PRKN: variants seen among roughly 807,000 people sequenced by gnomAD.
PRKN encodes E3 ubiquitin-protein ligase parkin.
PRKN carries 56 observed loss-of-function variants against 59.5 expected under a neutral mutation model. The ratio of observed to expected loss-of-function variants is 0.94; its 90% CI spans 0.76 to 1.18. The LOEUF (loss-of-function observed/expected upper bound fraction) is 1.18. Among genes scored for constraint, PRKN ranks in the 50% most tolerant of loss-of-function variants. The pLI, the probability that PRKN is intolerant of heterozygous loss-of-function variation, is 0.00. For missense variants in PRKN, 657 were observed against 596.4 expected, an observed-to-expected ratio of 1.10 and a Z score of -1.06; for synonymous variants, 250 against 222.1, an observed-to-expected ratio of 1.13 and a Z score of -1.12.
chr6:161,809,757 G>A (rs1190340613), intron 6 of PRKN, among the ~76,000 whole-genome samples: 1 of 151,960 alleles, frequency 6.6e-6, no homozygotes, highest in Admixed American at 6.6e-5. Context: ...AAAACTACAA[G>A]AGACAAGTCC....
At chr6:162,375,745 AC>A (rs1348396471) in intron 2 of PRKN, among the ~76,000 whole-genome samples, 7 of 141,866 alleles carry the variant, frequency 4.9e-5, no homozygotes, top group Non-Finnish European at 7.5e-5. Flanking sequence ...GGCTTTGTAC[AC>A]ACACACACAC....
At chr6:162,663,631 T>G (rs1165775061) in intron 1 of PRKN, among the ~76,000 whole-genome samples, 1 of 152,110 alleles carries the variant, frequency 6.6e-6, no homozygotes, top group East Asian at 1.9e-4. Flanking sequence ...AATAAGTGTG[T>G]ACTTCCAGGA....
At chr6:161,890,095 G>A (rs941794265) in intron 6 of PRKN, among the ~76,000 whole-genome samples, 5 of 152,076 alleles carry the variant, frequency 3.3e-5, no homozygotes, top group East Asian at 1.9e-4. Context: ...TTATTCTGCC[G>A]TCTCCCTTGT....
intron 1 of PRKN, among the ~76,000 whole-genome samples, chr6:162,710,414 C>CACACA (rs759309558): frequency 2.7e-5 from 4 of 149,988 alleles, no homozygotes; most frequent in African/African-American, 5.0e-5. Flanking sequence ...CACACACACA[C>CACACA]AACTGTTTGG....
intron 9 of PRKN, among the ~76,000 whole-genome samples, chr6:161,443,680 T>TA (rs946620842): frequency 1.9e-4 from 29 of 151,006 alleles, no homozygotes; most frequent in Non-Finnish European, 2.8e-4. Context: ...CATAACCATT[T>TA]AAAAAAAAAG....
chr6:161,619,168 C>G (rs1782799632), intron 7 of PRKN, among the ~76,000 whole-genome samples: 2 of 148,450 alleles, frequency 1.3e-5, no homozygotes, highest in African/African-American at 5.0e-5. Context: ...CCTGGTTTCA[C>G]AGACATATGG....
chr6:162,392,803 G>T (rs1208059542), intron 2 of PRKN, among the ~76,000 whole-genome samples: 1 of 152,088 alleles, frequency 6.6e-6, no homozygotes, highest in Non-Finnish European at 1.5e-5. Flanking sequence ...AAATTCTAAT[G>T]CAAGTTGCTC....
chr6:162,529,375 A>T (rs543387841), intron 1 of PRKN, among the ~76,000 whole-genome samples: 86 of 152,158 alleles, frequency 5.7e-4, no homozygotes, highest in Non-Finnish European at 1.0e-3. Flanking sequence ...TCTCCTCCAC[A>T]CTCTCCAAAT....
intron 2 of PRKN, among the ~76,000 whole-genome samples, chr6:162,362,756 G>C (rs1367667003): frequency 6.6e-6 from 1 of 151,980 alleles, no homozygotes; most frequent in Non-Finnish European, 1.5e-5. Flanking sequence ...GGGTACGTGA[G>C]GAAGCCTCCT....
intron 6 of PRKN, among the ~76,000 whole-genome samples, chr6:161,847,824 G>A (rs932993343): frequency 1.3e-5 from 2 of 152,082 alleles, no homozygotes; most frequent in Non-Finnish European, 2.9e-5. Context: ...CTCTCTTCTT[G>A]GAATTCACAT....
rs933693044 is a variant in PRKN, at chr6:161,480,946, G to A, written c.1083+67908C>T. Among the ~76,000 whole-genome samples, 7 of 152,198 alleles carry A rather than the reference G, an allele frequency of 4.6e-5. No homozygotes were observed. Among genetic ancestry groups the A allele is most frequent in the Non-Finnish European group, 7.3e-5 (5 of 68,030 alleles). ...TGGTGCAGCTTTCTCCATGGTAACC[G>A]GGCAAGGAGAAAAGCGCTTCACAGC... On this transcript the variant is annotated intron_variant, in intron 9 of 11. Coordinates refer to ENST00000366898, the MANE Select transcript of PRKN (RefSeq NM_004562.3). This position sits in a 1 kb window ranked among gnomAD's most constrained non-coding sequence, Gnocchi z 4.1.
At chr6:162,644,561 A>G (rs994559290) in intron 1 of PRKN, among the ~76,000 whole-genome samples, 1 of 152,114 alleles carries the variant, frequency 6.6e-6, no homozygotes, top group African/African-American at 2.4e-5. Flanking sequence ...TAACCGTTGA[A>G]TATTTTCAGA....
intron 1 of PRKN, among the ~76,000 whole-genome samples, chr6:162,605,511 G>T (rs1259906919): frequency 6.6e-6 from 1 of 152,038 alleles, no homozygotes; most frequent in Non-Finnish European, 1.5e-5. Flanking sequence ...TGTCTATTCA[G>T]TAATTCAAAA....
In PRKN at chr6:161,429,895, T is replaced by A. The variant is rs369670341; in HGVS notation, c.1084-43018A>T. 6.6e-6 allele frequency among the ~76,000 whole-genome samples: 1 copy of A among 152,174 alleles called. No individual in the cohort carries two copies. Among genetic ancestry groups the A allele is most frequent in the Non-Finnish European group, 1.5e-5 (1 of 68,028 alleles). On this transcript the variant is annotated intron_variant, in intron 9 of 11. Transcript: ENST00000366898. This position sits in a 1 kb window ranked among gnomAD's most constrained non-coding sequence, Gnocchi z 4.2. ...TTGCTTTCTTTGCAAGCTAACAAGT[T>A]AGTCTGCTCAGTTTTACGGAGGCCA...
chr6:161,995,597 G>A (rs573653372), intron 5 of PRKN, among the ~76,000 whole-genome samples: 3 of 151,900 alleles, frequency 2.0e-5, no homozygotes, highest in African/African-American at 2.4e-5. Flanking sequence ...GTGAGCAAAA[G>A]GTTAGAATGG....
chr6:162,657,671 C>G lies in PRKN; in HGVS notation c.7+69991G>C, dbSNP rs566744201. Among the ~76,000 whole-genome samples, 7 of 152,198 alleles carry G rather than the reference C, an allele frequency of 4.6e-5. No homozygotes were observed. In the South Asian group the frequency reaches 1.5e-3, roughly 32 times the overall value. ...AAATTCAAATGGCTGAAAGAAAACACCTGTAATAAATCTTTCTCATGGAAA... is the reference window on the plus strand; with the variant it reads ...AAATTCAAATGGCTGAAAGAAAACAGCTGTAATAAATCTTTCTCATGGAAA... On this transcript the variant is annotated intron_variant, in intron 1 of 11. Coordinates refer to ENST00000366898, the MANE Select transcript of PRKN (RefSeq NM_004562.3).
intron 7 of PRKN, among the ~76,000 whole-genome samples, chr6:161,671,450 C>T (rs544193818): frequency 6.6e-6 from 1 of 152,258 alleles, no homozygotes; most frequent in South Asian, 2.1e-4. Flanking sequence ...CTGTTATCAT[C>T]CAGGCTATGA....
At chr6:162,494,832 C>T (rs1462251857) in intron 1 of PRKN, among the ~76,000 whole-genome samples, 2 of 152,148 alleles carry the variant, frequency 1.3e-5, no homozygotes, top group East Asian at 1.9e-4. Flanking sequence ...TTGCCTATGT[C>T]GTACCAGGGA....
At position 161,578,978 on chromosome 6, in the gene PRKN, A is replaced by AC. The variant is rs1319790302; in HGVS notation, c.872-9563dup. Among the ~76,000 whole-genome samples the AC allele has an allele frequency of 2.0e-5, 3 of 152,224 alleles. No individual in the cohort carries two copies. The highest frequency in any genetic ancestry group is 7.2e-5 in the African/African-American group (3 of 41,456). ...ACATTTTACAGGGCAAGTGTTTTCA[A>AC]CATCCAGCATCCCTCAGATCACAAA... On this transcript the variant is annotated intron_variant, in intron 7 of 11. Coordinates refer to ENST00000366898, the MANE Select transcript of PRKN (RefSeq NM_004562.3). The surrounding 1 kb of genome is among the most constrained non-coding windows in gnomAD (Gnocchi z 4.2).
Sources: gnomAD v4.1 joint callset for allele counts (sites outside exome capture counted in the v4.1 genomes callset) on GRCh38, gnomAD v4.1.1 for gene constraint, Gnocchi (gnomAD v3.1) non-coding constraint, MANE v1.5 for transcripts, NCBI Gene and HGNC (gene_info 2026-07-23, HGNC 2026-07-21) for gene names.